TMCC1: variants seen among roughly 807,000 people sequenced by gnomAD.
TMCC1 encodes the protein transmembrane and coiled-coil domain family 1, also known as transmembrane and coiled-coil domains protein 1.
Under a neutral mutation model 52.4 loss-of-function variants are expected in TMCC1, and 15 were observed. The observed-to-expected ratio is 0.29, with a 90% CI of 0.19 to 0.44. The LOEUF (loss-of-function observed/expected upper bound fraction) is 0.44. TMCC1 is among the 20% of genes least tolerant of loss of function. The pLI is 1.00. For synonymous variants in TMCC1, 279 were observed against 301.9 expected, an observed-to-expected ratio of 0.92 and a Z score of 0.79; for missense variants, 503 against 806.0, an observed-to-expected ratio of 0.62 and a Z score of 4.55.
intron 4 of TMCC1, among the ~76,000 whole-genome samples, chr3:129,756,543 C>G (rs568964264): frequency 6.6e-6 from 1 of 152,200 alleles, no homozygotes; most frequent in African/African-American, 2.4e-5. Context: ...GGACTACAGG[C>G]GCCCACCACC....
intron 2 of TMCC1, among the ~76,000 whole-genome samples, chr3:129,875,877 T>A (rs557443265): frequency 6.6e-6 from 1 of 152,374 alleles, no homozygotes; most frequent in African/African-American, 2.4e-5. Context: ...CTCACGCCCG[T>A]AATCCCAGCA....
chr3:129,891,372 A>G (rs1417952749), intron 1 of TMCC1, among the ~76,000 whole-genome samples: 1 of 152,254 alleles, frequency 6.6e-6, no homozygotes, highest in Non-Finnish European at 1.5e-5. Flanking sequence ...AAATATTTTT[A>G]AAAACTCATT....
chr3:129,778,771 T>C (rs1423667181), intron 4 of TMCC1, among the ~76,000 whole-genome samples: 1 of 152,116 alleles, frequency 6.6e-6, no homozygotes, highest in African/African-American at 2.4e-5. Context: ...TGCTCAGCAC[T>C]TCTCCTTCCT....
At chr3:129,730,961 C>T (rs191242759) in intron 4 of TMCC1, among the ~76,000 whole-genome samples, 36 of 152,294 alleles carry the variant, frequency 2.4e-4, no homozygotes, top group African/African-American at 8.2e-4. Flanking sequence ...TAAATCAATT[C>T]TATACAATCT....
intron 1 of TMCC1, among the ~76,000 whole-genome samples, chr3:129,889,841 T>C (rs1365443076): frequency 6.6e-6 from 1 of 150,930 alleles, no homozygotes; most frequent in Non-Finnish European, 1.5e-5. Flanking sequence ...ATAAAGAAGG[T>C]CTAGAATTAT....
At chr3:129,659,096 T>C (rs1332519146) in intron 5 of TMCC1, among the ~76,000 whole-genome samples, 1 of 124,194 alleles carries the variant, frequency 8.1e-6, no homozygotes, top group Non-Finnish European at 1.7e-5. Flanking sequence ...CTTTCTTTCT[T>C]TTTTTTTTTT....
chr3:129,739,887 C>T (rs2051309055), intron 4 of TMCC1, among the ~76,000 whole-genome samples: 1 of 152,224 alleles, frequency 6.6e-6, no homozygotes, highest in Non-Finnish European at 1.5e-5. Flanking sequence ...ATCTTAAATA[C>T]TACATAGGAA....
intron 4 of TMCC1, among the ~76,000 whole-genome samples, chr3:129,759,416 T>C (rs957265606): frequency 2.6e-5 from 4 of 151,518 alleles, no homozygotes; most frequent in African/African-American, 9.7e-5. Flanking sequence ...TACAGGCATG[T>C]GTCACAACGT....
At chr3:129,791,811 C>T (rs776240803) in intron 4 of TMCC1, among the ~76,000 whole-genome samples, 3 of 152,132 alleles carry the variant, frequency 2.0e-5, no homozygotes, top group Non-Finnish European at 2.9e-5. Context: ...TTTACTTCAC[C>T]TAAATCTTAA....
At chr3:129,834,870 T>C (rs998029869) in intron 2 of TMCC1, among the ~76,000 whole-genome samples, 2 of 152,182 alleles carry the variant, frequency 1.3e-5, no homozygotes, top group Non-Finnish European at 1.5e-5. Flanking sequence ...ATCCAATTCA[T>C]CCTCCTGCAT....
chr3:129,659,452 C>T (rs894977237), intron 5 of TMCC1, among the ~76,000 whole-genome samples: 3 of 151,954 alleles, frequency 2.0e-5, no homozygotes, highest in East Asian at 1.9e-4. Flanking sequence ...GCCTTCACAA[C>T]GTATTGATTT....
At chr3:129,764,254 G>A (rs1355356716) in intron 4 of TMCC1, among the ~76,000 whole-genome samples, 1 of 152,216 alleles carries the variant, frequency 6.6e-6, no homozygotes, top group African/African-American at 2.4e-5. Context: ...CTAATGATCA[G>A]TGGATAGCAA....
intron 5 of TMCC1, among the ~76,000 whole-genome samples, chr3:129,657,104 C>T (rs892175414): frequency 3.3e-5 from 5 of 152,188 alleles, no homozygotes; most frequent in African/African-American, 1.2e-4. Context: ...AAGGTTATAT[C>T]TGGCAGGAAA....
intron 2 of TMCC1, among the ~76,000 whole-genome samples, chr3:129,877,186 T>C (rs1168199757): frequency 6.6e-6 from 1 of 152,216 alleles, no homozygotes; most frequent in Non-Finnish European, 1.5e-5. Flanking sequence ...AATCAGTCTT[T>C]AACCTCCAAC....
At chr3:129,771,811 A>AG (rs1178173991) in intron 4 of TMCC1, among the ~76,000 whole-genome samples, 6 of 150,720 alleles carry the variant, frequency 4.0e-5, no homozygotes, top group Admixed American at 6.6e-5. Context: ...AAGAAGAAGA[A>AG]AAAACAATTG....
At chr3:129,758,174 G>A (rs1023684594) in intron 4 of TMCC1, among the ~76,000 whole-genome samples, 11 of 152,192 alleles carry the variant, frequency 7.2e-5, no homozygotes, top group African/African-American at 2.4e-4. Context: ...TGCTTTACAT[G>A]TATACTGTGG....
chr3:129,757,783 T>C (rs1013650565), intron 4 of TMCC1, among the ~76,000 whole-genome samples: 2 of 151,976 alleles, frequency 1.3e-5, no homozygotes, highest in African/African-American at 2.4e-5. Context: ...TAAACCCAGA[T>C]TGTGCCACTG....
chr3:129,737,625 T>G (rs1206164866), intron 4 of TMCC1, among the ~76,000 whole-genome samples: 1 of 152,174 alleles, frequency 6.6e-6, no homozygotes, highest in African/African-American at 2.4e-5. Context: ...CTTCCCAGTT[T>G]CCAGAACTGT....
At chr3:129,751,201 AAAAAC>A (rs1464061577) in intron 4 of TMCC1, among the ~76,000 whole-genome samples, 2 of 150,542 alleles carry the variant, frequency 1.3e-5, no homozygotes, top group African/African-American at 2.4e-5. Context: ...ACCTGTCTCA[AAAAAC>A]AAAACAAAAC....
Sources: allele counts gnomAD v4.1 joint callset (sites outside exome capture counted in the v4.1 genomes callset), GRCh38; gene constraint gnomAD v4.1.1; transcripts MANE v1.5; gene names NCBI Gene and HGNC (gene_info 2026-07-23, HGNC 2026-07-21).